GPS1: variants seen among roughly 807,000 people sequenced by gnomAD.
GPS1 encodes the protein G protein pathway suppressor 1.
Under a neutral mutation model 60.0 loss-of-function variants are expected in GPS1, and 11 were observed. That is an observed-to-expected ratio of 0.18 (90% CI 0.12 to 0.30). The LOEUF (loss-of-function observed/expected upper bound fraction) is 0.30. Ranked by LOEUF, GPS1 falls within the 10% of genes least tolerant of loss-of-function variation. GPS1 has a pLI of 1.00. For synonymous variants in GPS1, 343 were observed against 269.8 expected, an observed-to-expected ratio of 1.27 and a Z score of -2.66; for missense variants, 543 against 669.2, an observed-to-expected ratio of 0.81 and a Z score of 2.08.
chr17:82,056,385 G>C lies in GPS1; in HGVS notation c.1029G>C (p.Glu343Asp). 1.9e-6 allele frequency: 3 copies of C among 1,611,942 alleles called. No homozygotes were observed. The highest frequency in any genetic ancestry group is 2.5e-6 in the Non-Finnish European group (3 of 1,179,512). The part of the protein sequence containing the change: ...KYASCLKMLD[E>D]MKDNLLLDMY... The stretch of plus-strand genomic sequence containing the variant: ...CCTCATGTCTCAAGATGCTGGACGA[G>C]ATGAAGGTGGGCCCCGCCTGGGGTA... The change falls in exon 9 of 13, where the codon GAG becomes GAC. Residue 343 changes from glutamate to aspartate, a missense_variant. Coordinates refer to ENST00000578552, the MANE Select transcript of GPS1 (RefSeq NM_001321092.3).
intron 2 of GPS1, 102 bp from the exon 3 acceptor site, chr17:82,053,766 C>A: frequency 1.7e-6 from 2 of 1,196,510 alleles, no homozygotes; most frequent in South Asian, 1.5e-5. Flanking sequence ...CCCAGGGCGA[C>A]ATTCTGGCTA....
chr17:82,051,384 A>T, upstream of GPS1: 1 of 1,439,428 alleles, frequency 6.9e-7, no homozygotes, highest in Non-Finnish European at 9.1e-7. This position sits in a 1 kb window ranked among gnomAD's most constrained non-coding sequence, Gnocchi z 4.1. Flanking sequence ...GGCGCTGCCC[A>T]GGCCGGAGAC....
chr17:82,053,061 G>C (rs955231868), intron 1 of GPS1: 2 of 410,304 alleles, frequency 4.9e-6, no homozygotes, highest in Non-Finnish European at 8.6e-6. Flanking sequence ...TTAGAGTCTT[G>C]TGAGGAGACC....
chr17:82,055,867 C>T, intron 7 of GPS1, 42 bp downstream of exon 7: 1 of 1,515,600 alleles, frequency 6.6e-7, no homozygotes, highest in South Asian at 1.2e-5. Context: ...AGCATGGGCT[C>T]ATGGGTCAGG....
At chr17:82,052,624 C>A in intron 1 of GPS1, 1 of 827,050 alleles carries the variant, frequency 1.2e-6, no homozygotes, top group Non-Finnish European at 1.8e-6. Context: ...CGGAGGGAGC[C>A]GAGCTCTTGG....
At chr17:82,052,320 C>T (rs1338141879) in intron 1 of GPS1, 14 of 1,612,872 alleles carry the variant, frequency 8.7e-6, no homozygotes, top group Non-Finnish European at 1.1e-5. Flanking sequence ...AGGGATAGCT[C>T]GGCCCCCAGC....
upstream of GPS1, chr17:82,051,792 C>A (rs117999554): frequency 5.3e-6 from 6 of 1,121,634 alleles, no homozygotes; most frequent in Admixed American, 1.5e-4. The surrounding 1 kb of genome is among the most constrained non-coding windows in gnomAD (Gnocchi z 4.1). Context: ...CCCGGCGCTG[C>A]GAGCGGAGAA....
At chr17:82,052,839 C>T in intron 1 of GPS1, 1 of 287,256 alleles carries the variant, frequency 3.5e-6, no homozygotes, top group Non-Finnish European at 6.7e-6. Flanking sequence ...CTCCGCTGCT[C>T]AGGACAGATT....
At chr17:82,054,466 GCCC>G in intron 3 of GPS1, 41 bp from the exon 4 acceptor site, 2 of 1,450,688 alleles carry the variant, frequency 1.4e-6, no homozygotes, top group Non-Finnish European at 1.8e-6. Flanking sequence ...CTCCTCCCTG[GCCC>G]CCGTGACCGC....
intron 1 of GPS1, 59 bp downstream of exon 1, chr17:82,052,023 G>C (rs1335139052): frequency 9.0e-7 from 1 of 1,114,642 alleles, no homozygotes; most frequent in Non-Finnish European, 1.1e-6. Context: ...CACTGGGGCC[G>C]GGCTGAGGTC....
intron 1 of GPS1, chr17:82,052,456 C>T: frequency 1.9e-6 from 3 of 1,611,202 alleles, no homozygotes; most frequent in African/African-American, 1.3e-5. Context: ...CGCTGCTCTA[C>T]GAGGTACCTT....
At position 82,052,966 on chromosome 17, in the gene GPS1, C is replaced by T. The variant is rs367564651; in HGVS notation, c.34-308C>T. On this transcript the variant is annotated intron_variant, in intron 1 of 12. Coordinates refer to ENST00000578552, the MANE Select transcript of GPS1 (RefSeq NM_001321092.3). ...AACGTGTAGGGGCCCTCAGAGGCCC[C>T]TGTGTAGTTGGTTGTCCCCTGTCTG... The T allele has an allele frequency of 1.9e-4, 52 of 274,444 alleles. No individual in the cohort carries two copies. In the East Asian group the frequency reaches 3.4e-3, roughly 18 times the overall value. The allele number at this position is 274,444 out of a possible 1,614,324, so 17.0% of individuals were successfully genotyped here. A position where few individuals can be genotyped will look rare whatever the true frequency, so the allele number is the denominator to read the frequency against.
Position 82,056,703 on chromosome 17 carries a change from G to A in GPS1, c.1191G>A (p.Glu397=). 6.3e-7 allele frequency: 1 copy of A among 1,593,490 alleles called. No homozygotes were observed. Among genetic ancestry groups the A allele is most frequent in the Non-Finnish European group, 8.6e-7 (1 of 1,168,822 alleles). The stretch of plus-strand genomic sequence containing the variant: ...TCAATACCACGGTGGCCGCCCTGGA[G>A]GACGAGCTGACGCAGCTAATCCTGG... The part of the protein sequence containing the change: ...AAFNTTVAAL[E]DELTQLILEG... The change falls in exon 11 of 13, where the codon GAG becomes GAA. Residue 397 remains glutamate (E), a synonymous_variant. Transcript: ENST00000578552.
chr17:82,051,238 G>C, upstream of GPS1: 1 of 1,326,676 alleles, frequency 7.5e-7, no homozygotes, highest in Non-Finnish European at 9.7e-7. This position sits in a 1 kb window ranked among gnomAD's most constrained non-coding sequence, Gnocchi z 4.1. Flanking sequence ...TGGCTTCGGA[G>C]CGAGAAAGGC....
At chr17:82,055,059 C>T (rs1014629816) in intron 5 of GPS1, 84 bp downstream of exon 5, 3 of 1,589,202 alleles carry the variant, frequency 1.9e-6, no homozygotes, top group Admixed American at 1.7e-5. Context: ...CTCATTCTCC[C>T]CCAGATCTGA....
At chr17:82,056,158 G>C in intron 8 of GPS1, 63 bp downstream of exon 8, 2 of 1,446,102 alleles carry the variant, frequency 1.4e-6, no homozygotes, top group Non-Finnish European at 1.9e-6. Context: ...CTGCTGCTTC[G>C]GCCTTGCATG....
intron 3 of GPS1, 111 bp downstream of exon 3, chr17:82,054,160 C>T (rs903077402): frequency 3.9e-6 from 5 of 1,267,248 alleles, no homozygotes; most frequent in South Asian, 1.5e-5. Flanking sequence ...GCTGGGAAGT[C>T]GGGCGGGTAG....
chr17:82,056,265 C>T (rs2032733900), intron 8 of GPS1, 21 bp from the exon 9 acceptor site: 1 of 1,540,334 alleles, frequency 6.5e-7, no homozygotes, highest in Non-Finnish European at 9.0e-7. Flanking sequence ...GGACAGAGTT[C>T]TGAGGGGTCT....
chr17:82,055,937 G>A, intron 7 of GPS1, 64 bp from the exon 8 acceptor site: 1 of 1,449,918 alleles, frequency 6.9e-7, no homozygotes, highest in Middle Eastern at 1.7e-4. Flanking sequence ...CTCCGAGCGG[G>A]TGATGGGCAG....
Sources: allele counts gnomAD v4.1 joint callset, GRCh38; gene constraint gnomAD v4.1.1; non-coding constraint Gnocchi (gnomAD v3.1); transcripts MANE v1.5; gene names NCBI Gene and HGNC (gene_info 2026-07-23, HGNC 2026-07-21).